MX1: variants seen among roughly 807,000 people sequenced by gnomAD.
The protein encoded by MX1 is interferon-induced GTP-binding protein Mx1.
In MX1, 66 loss-of-function variants were observed where a neutral mutation model predicts 66.4. That is an observed-to-expected ratio of 0.99 (90% confidence interval 0.82 to 1.22). MX1 has a LOEUF of 1.22. MX1 is among the 50% of genes most tolerant of loss of function. The probability of loss-of-function intolerance (pLI) is 0.00; values close to 1 mark genes in which losing one functional copy is unlikely to be tolerated. For missense variants in MX1, 787 were observed against 834.3 expected, an observed-to-expected ratio of 0.94 and a Z score of 0.70; for synonymous variants, 311 against 318.1, an observed-to-expected ratio of 0.98 and a Z score of 0.24.
rs1402951156 is a variant in MX1 at position 41,446,137 on chromosome 21, A to G, written c.1269A>G (p.Gln423=). 2 of 1,613,568 alleles carry G rather than the reference A, an allele frequency of 1.2e-6. No homozygotes were observed. The highest frequency in any genetic ancestry group is 2.7e-5 in the African/African-American group (2 of 74,914). The part of the protein sequence containing the change: ...KWSTIIENNF[Q]EGHKILSRKI... ...GTACAATAATTGAAAACAATTTTCAAGAAGGTGAGTGTCTTAGTCCCTTCT... is the reference window on the plus strand; with the variant it reads ...GTACAATAATTGAAAACAATTTTCAGGAAGGTGAGTGTCTTAGTCCCTTCT... Residue 423 remains glutamine, a synonymous_variant, in exon 13 of 17, where the codon CAA becomes CAG. Transcript: ENST00000398598.
chr21:41,422,715 T>C (rs1245536371), upstream of MX1: 1 of 151,936 alleles, frequency 6.6e-6, no homozygotes, highest in African/African-American at 2.4e-5. Flanking sequence ...AGGTGGGAGG[T>C]TGTGAGCTTC....
Position 41,441,044 on chromosome 21 carries a change from C to G in MX1, c.730+19C>G, listed in dbSNP as rs8134003. 34 of 1,534,372 alleles carry G rather than the reference C, an allele frequency of 2.2e-5. No homozygotes were observed. The highest frequency in any genetic ancestry group is 2.8e-5 in the Non-Finnish European group (32 of 1,129,898). On this transcript the variant is annotated intron_variant, in intron 9 of 16. Transcript: ENST00000398598. The surrounding 1 kb of genome is among the most constrained non-coding windows in gnomAD (Gnocchi z 4.0). ...ACCATCGGTGAGAGTGGGGGAGCCC[C>G]ACTGTGCTCAGTGAGAATGGGGGAG...
rs912674918 is a variant in MX1, at chr21:41,443,821, C to T, written c.963C>T (p.Pro321=). The change falls in exon 11 of 17, where the codon CCC becomes CCT. Residue 321 remains proline (P), a synonymous_variant. Coordinates refer to ENST00000398598, the MANE Select transcript of MX1 (RefSeq NM_002462.5). The part of the protein sequence containing the change: ...DLLEEGKATV[P]CLAEKLTSEL... ...TGGAGGAAGGAAAGGCCACGGTTCCCTGCCTGGCAGAAAAACTTACCAGCG... is the reference window on the plus strand; with the variant it reads ...TGGAGGAAGGAAAGGCCACGGTTCCTTGCCTGGCAGAAAAACTTACCAGCG... The T allele has an allele frequency of 6.2e-7, 1 of 1,614,132 alleles. No homozygotes were observed. Among genetic ancestry groups the T allele is most frequent in the African/African-American group, 1.3e-5 (1 of 74,948 alleles).
chr21:41,440,184 T>C (rs1004949084), intron 8 of MX1, among the ~76,000 whole-genome samples: 1 of 152,200 alleles, frequency 6.6e-6, no homozygotes, highest in Admixed American at 6.5e-5. Context: ...AGGGGTCTTA[T>C]GTGGGAAGAG....
At chr21:41,428,150 C>T (rs370332987) in intron 3 of MX1, 18 of 152,384 alleles carry the variant, frequency 1.2e-4, no homozygotes, top group African/African-American at 2.2e-4. Flanking sequence ...AAATGATCCA[C>T]CCGCCTTGGC....
intron 8 of MX1, 36 bp downstream of exon 8, chr21:41,439,884 C>T (rs534355284): frequency 1.9e-5 from 14 of 752,724 alleles, no homozygotes; most frequent in Middle Eastern, 6.0e-4. Context: ...TTGGCCGTGG[C>T]GTGGGGATGG....
At chr21:41,445,321 T>C (rs560706033) in intron 11 of MX1, 127 bp from the exon 12 acceptor site, 2 of 1,185,984 alleles carry the variant, frequency 1.7e-6, no homozygotes, top group Non-Finnish European at 2.4e-6. Context: ...TGGAAAAGCT[T>C]CCTTTTAGAG....
chr21:41,442,063 G>A (rs2090537880), intron 10 of MX1, 149 bp downstream of exon 10: 1 of 719,974 alleles, frequency 1.4e-6, no homozygotes, highest in Non-Finnish European at 2.3e-6. Context: ...GACTATGCTT[G>A]TTCCCCAACA....
chr21:41,456,408 T>A (rs2090960593), intron 16 of MX1, among the ~76,000 whole-genome samples: 1 of 152,222 alleles, frequency 6.6e-6, no homozygotes. Flanking sequence ...CAGCAGGAGC[T>A]AAGGCTGAGT....
At chr21:41,451,829 C>T (rs467548) in intron 15 of MX1, among the ~76,000 whole-genome samples, 131,881 of 142,452 alleles carry the variant, frequency 0.93, 61,775 homozygotes, top group Middle Eastern at 0.97. Flanking sequence ...AGCGAGACCC[C>T]GTCTCAAAAA....
upstream of MX1, among the ~76,000 whole-genome samples, chr21:41,425,035 A>G (rs2090033896): frequency 6.6e-6 from 1 of 152,218 alleles, no homozygotes; most frequent in African/African-American, 2.4e-5. Flanking sequence ...CTTTTGAGAT[A>G]AGCTTGCATC....
At chr21:41,438,636 A>G (rs995140762) in intron 7 of MX1, among the ~76,000 whole-genome samples, 1 of 152,206 alleles carries the variant, frequency 6.6e-6, no homozygotes. Context: ...GCCCAATTTC[A>G]AGGGACCGAT....
chr21:41,437,284 T>A, intron 7 of MX1, 132 bp downstream of exon 7: 1 of 911,980 alleles, frequency 1.1e-6, no homozygotes, highest in Non-Finnish European at 1.7e-6. Context: ...AGGCCACGGT[T>A]CCTTCTACTT....
At chr21:41,425,519 T>C (rs1470079090), upstream of MX1, among the ~76,000 whole-genome samples, 1 of 152,222 alleles carries the variant, frequency 6.6e-6, no homozygotes, top group Non-Finnish European at 1.5e-5. Flanking sequence ...TCTGGATGTA[T>C]ACCTGCAAGT....
At chr21:41,425,674 G>A (rs531945293), upstream of MX1, among the ~76,000 whole-genome samples, 18 of 152,118 alleles carry the variant, frequency 1.2e-4, no homozygotes, top group Admixed American at 1.0e-3. Flanking sequence ...TTCCACCCTG[G>A]AGAGGCCAGA....
intron 2 of MX1, 59 bp downstream of exon 2, chr21:41,427,363 A>T (rs929364725): frequency 6.6e-6 from 1 of 152,212 alleles, no homozygotes; most frequent in African/African-American, 2.4e-5. Flanking sequence ...TTCATAACAA[A>T]TTTAAATACC....
At chr21:41,422,354 G>T (rs890775676), upstream of MX1, among the ~76,000 whole-genome samples, 1 of 152,172 alleles carries the variant, frequency 6.6e-6, no homozygotes, top group Admixed American at 6.5e-5. Context: ...AATCCACCCC[G>T]TGTTTAGCAT....
At chr21:41,449,820 G>A (rs468444) in intron 14 of MX1, 64,978 of 152,072 alleles carry the variant, frequency 0.43, 15,763 homozygotes, top group Non-Finnish European at 0.56. Context: ...GAACCTCACC[G>A]CGGAGAAGGT....
intron 13 of MX1, among the ~76,000 whole-genome samples, chr21:41,446,544 G>T (rs530610079): frequency 1.3e-5 from 2 of 152,312 alleles, no homozygotes; most frequent in African/African-American, 2.4e-5. Context: ...TAAAAAATAT[G>T]TATGTACCTT....
Sources: gnomAD v4.1 joint callset for allele counts (sites outside exome capture counted in the v4.1 genomes callset) on GRCh38, gnomAD v4.1.1 for gene constraint, Gnocchi (gnomAD v3.1) non-coding constraint, MANE v1.5 for transcripts, NCBI Gene and HGNC (gene_info 2026-07-23, HGNC 2026-07-21) for gene names.